The following CAMTA1 variants were observed in gnomAD, a reference collection of about 807,000 sequenced individuals.
The protein encoded by CAMTA1 is calmodulin-binding transcription activator 1.
A neutral mutation model predicts 170.9 loss-of-function variants in CAMTA1; 27 were observed. The observed-to-expected ratio is 0.16, with a 90% CI of 0.12 to 0.22. The LOEUF (loss-of-function observed/expected upper bound fraction) is 0.22. CAMTA1 is among the 10% of genes least tolerant of loss of function. The pLI, the probability that CAMTA1 is intolerant of heterozygous loss-of-function variation, is 1.00. For synonymous variants in CAMTA1, 833 were observed against 891.5 expected, an observed-to-expected ratio of 0.93 and a Z score of 1.17; for missense variants, 1,619 against 2,217.2, an observed-to-expected ratio of 0.73 and a Z score of 5.42.
At chr1:6,861,951 A>T (rs1022382804) in intron 3 of CAMTA1, among the ~76,000 whole-genome samples, 1 of 151,250 alleles carries the variant, frequency 6.6e-6, no homozygotes, top group Non-Finnish European at 1.5e-5. Context: ...AAGTGAAGTC[A>T]TATAGTATTT....
At chr1:6,917,359 G>C (rs1001329441) in intron 3 of CAMTA1, among the ~76,000 whole-genome samples, 3 of 152,144 alleles carry the variant, frequency 2.0e-5, no homozygotes, top group African/African-American at 7.2e-5. Context: ...GAGAGAGCCA[G>C]CTGATGAGAT....
chr1:7,752,573 T>A (rs2150175677), intron 21 of CAMTA1, 40 bp downstream of exon 21: 1 of 1,505,712 alleles, frequency 6.6e-7, no homozygotes, highest in East Asian at 2.3e-5. Flanking sequence ...TCAGGGAGAA[T>A]GATGAAGCAA....
At chr1:7,389,158 G>A (rs537054013) in intron 5 of CAMTA1, among the ~76,000 whole-genome samples, 6 of 152,314 alleles carry the variant, frequency 3.9e-5, no homozygotes, top group South Asian at 2.1e-4. Context: ...GCTGTGAGAC[G>A]ACCCTGGAGA....
intron 4 of CAMTA1, among the ~76,000 whole-genome samples, chr1:7,236,792 T>C (rs1018225912): frequency 6.6e-6 from 1 of 152,208 alleles, no homozygotes; most frequent in Non-Finnish European, 1.5e-5. Context: ...CACGTACCTC[T>C]AATGGTGCAT....
At chr1:7,594,847 C>T (rs2095386814) in intron 6 of CAMTA1, among the ~76,000 whole-genome samples, 1 of 152,198 alleles carries the variant, frequency 6.6e-6, no homozygotes. Flanking sequence ...ATGAAGAGCT[C>T]CCCTCGGGTC....
chr1:7,621,729 C>A (rs756942835), intron 6 of CAMTA1, among the ~76,000 whole-genome samples: 14 of 152,166 alleles, frequency 9.2e-5, no homozygotes, highest in Non-Finnish European at 2.1e-4. Context: ...CTGGAAGTTT[C>A]CTGGAAGAGG....
chr1:7,480,052 C>T (rs890250559), intron 6 of CAMTA1, among the ~76,000 whole-genome samples: 5 of 150,848 alleles, frequency 3.3e-5, no homozygotes, highest in African/African-American at 9.8e-5. Context: ...TGTGTGAGTC[C>T]GTATGAGTGT....
intron 3 of CAMTA1, among the ~76,000 whole-genome samples, chr1:7,026,250 C>T (rs1378463306): frequency 1.3e-5 from 2 of 152,122 alleles, no homozygotes; most frequent in Non-Finnish European, 2.9e-5. Context: ...AAGAGCGAGG[C>T]GTGAGGCAGG....
rs115020747 is a variant in CAMTA1, at chr1:7,618,002, C to A, written c.511-22398C>A. ...GACAAGAAGTCACCCCTGTACCATG[C>A]ACACAGTGGGAGCTCCTGAATTACC... On this transcript the variant is annotated intron_variant, in intron 6 of 22. Transcript: ENST00000303635. 3.5e-3 allele frequency among the ~76,000 whole-genome samples: 533 copies of A among 152,324 alleles called. 5 individuals are homozygous for A. Among genetic ancestry groups the A allele is most frequent in the African/African-American group, 0.012 (518 of 41,560 alleles).
chr1:7,296,300 C>T (rs1453168065), intron 5 of CAMTA1, among the ~76,000 whole-genome samples: 1 of 152,194 alleles, frequency 6.6e-6, no homozygotes, highest in Non-Finnish European at 1.5e-5. Flanking sequence ...GGTTACATAA[C>T]TATGTAACTA....
intron 5 of CAMTA1, among the ~76,000 whole-genome samples, chr1:7,302,679 T>C (rs1260992911): frequency 6.6e-6 from 1 of 152,218 alleles, no homozygotes; most frequent in African/African-American, 2.4e-5. Flanking sequence ...GGAGCCCCTA[T>C]TGTGCTTCTC....
At chr1:7,616,756 G>C (rs1210633190) in intron 6 of CAMTA1, among the ~76,000 whole-genome samples, 4 of 152,192 alleles carry the variant, frequency 2.6e-5, no homozygotes, top group Non-Finnish European at 1.5e-5. Context: ...CCCCCCACCA[G>C]AGTGACAACT....
At chr1:7,533,093 C>T (rs980586891) in intron 6 of CAMTA1, among the ~76,000 whole-genome samples, 2 of 152,214 alleles carry the variant, frequency 1.3e-5, no homozygotes, top group African/African-American at 4.8e-5. Flanking sequence ...GTTAATTCCT[C>T]CAGCGCTGTG....
intron 3 of CAMTA1, chr1:6,874,543 G>A (rs1450442971): frequency 6.6e-6 from 1 of 152,232 alleles, no homozygotes; most frequent in African/African-American, 2.4e-5. Context: ...AGAAAATCAG[G>A]TTCGAAACCA....
intron 11 of CAMTA1, among the ~76,000 whole-genome samples, chr1:7,703,156 T>C (rs1345805362): frequency 1.3e-5 from 2 of 152,214 alleles, no homozygotes; most frequent in Admixed American, 1.3e-4. Flanking sequence ...GGTTTGGTTC[T>C]GCTGAGAGCG....
At chr1:7,614,154 A>G (rs1174991541) in intron 6 of CAMTA1, among the ~76,000 whole-genome samples, 2 of 151,838 alleles carry the variant, frequency 1.3e-5, no homozygotes, top group Non-Finnish European at 2.9e-5. Context: ...AGAAATGAGG[A>G]TGTCAGCAAA....
chr1:6,807,197 A>G (rs1570237465), intron 1 of CAMTA1: 7 of 448,066 alleles, frequency 1.6e-5, no homozygotes, highest in Non-Finnish European at 2.4e-5. Context: ...ATTAAGGAGA[A>G]AAGTTCCAGG....
chr1:7,416,391 G>A (rs1341664489), intron 5 of CAMTA1, among the ~76,000 whole-genome samples: 1 of 152,150 alleles, frequency 6.6e-6, no homozygotes, highest in Non-Finnish European at 1.5e-5. Flanking sequence ...TCACTTTCAG[G>A]CACACCAATC....
intron 6 of CAMTA1, among the ~76,000 whole-genome samples, chr1:7,608,537 T>G (rs924403568): frequency 6.6e-6 from 1 of 152,162 alleles, no homozygotes; most frequent in South Asian, 2.1e-4. Flanking sequence ...CCTGTTTCAC[T>G]GTCCCCAGCC....
Sources: gnomAD v4.1 joint callset for allele counts (sites outside exome capture counted in the v4.1 genomes callset) on GRCh38, gnomAD v4.1.1 for gene constraint, MANE v1.5 for transcripts, NCBI Gene and HGNC (gene_info 2026-07-23, HGNC 2026-07-21) for gene names.